Variants in PGAP4 observed in about 807,000 individuals in gnomAD.
The protein encoded by PGAP4 is GPI-N-acetylgalactosamine transferase PGAP4.
PGAP4 carries 12 observed loss-of-function variants against 28.2 expected under a neutral mutation model. That is an observed-to-expected ratio of 0.42 (90% CI 0.27 to 0.69). The LOEUF is 0.69. PGAP4 is among the 30% of genes least tolerant of loss of function. The pLI is 0.22. For synonymous variants in PGAP4, 205 were observed against 211.8 expected, an observed-to-expected ratio of 0.97 and a Z score of 0.28; for missense variants, 425 against 513.5, an observed-to-expected ratio of 0.83 and a Z score of 1.67.
upstream of PGAP4, among the ~76,000 whole-genome samples, chr9:101,491,812 G>T (rs1201603290): frequency 3.8e-5 from 4 of 106,254 alleles, no homozygotes; most frequent in Non-Finnish European, 5.5e-5. Context: ...AATCTTAAAG[G>T]ATATATATAT....
chr9:101,508,498 T>G (rs1453419784), intron 2 of PGAP4, among the ~76,000 whole-genome samples: 6 of 152,144 alleles, frequency 3.9e-5, no homozygotes, highest in African/African-American at 1.4e-4. Context: ...AAGCCTCTAT[T>G]GCTATCAGGG....
At chr9:101,512,747 G>C (rs1407835971) in intron 2 of PGAP4, among the ~76,000 whole-genome samples, 1 of 152,080 alleles carries the variant, frequency 6.6e-6, no homozygotes, top group Non-Finnish European at 1.5e-5. Context: ...CTAGAACCCT[G>C]ACAATAGCTT....
Position 101,477,119 on chromosome 9 carries a change from C to A in PGAP4, c.-27G>T. 6.6e-7 allele frequency: 1 copy of A among 1,525,436 alleles called. No homozygotes were observed. The highest frequency in any genetic ancestry group is 1.3e-5 in the South Asian group (1 of 75,568). 94.5% of individuals were successfully genotyped at this position (1,525,436 alleles called of 1,614,324 possible). ...AGGTCAACTTTTGTTCATGTCTGGT[C>A]CCAAGAAAAAACCATCCTGGAACTC... On this transcript the variant is annotated 5_prime_UTR_variant, in exon 2 of 2. Transcript: ENST00000374848.
Position 101,525,410 on chromosome 9 carries a change from T to A in PGAP4, c.-165+5938A>T, listed in dbSNP as rs1462168967. ...TTGGTTTTAAATGTTTTTTTTTTCC[T>A]ATGAAAATAAATGTTGGCGGGCGCA... On this transcript the variant is annotated intron_variant, in intron 2 of 3. Transcript: ENST00000374851. 2.0e-5 allele frequency among the ~76,000 whole-genome samples: 3 copies of A among 152,016 alleles called. No homozygotes were observed. The East Asian group carries it at 5.8e-4, about 29-fold the overall frequency.
intron 1 of PGAP4, among the ~76,000 whole-genome samples, chr9:101,485,040 C>G (rs1218064771): frequency 6.6e-6 from 1 of 152,164 alleles, no homozygotes; most frequent in Non-Finnish European, 1.5e-5. Flanking sequence ...GTGAACATGA[C>G]AGTCAGGGCA....
At chr9:101,502,685 T>G (rs16920441) in intron 2 of PGAP4, among the ~76,000 whole-genome samples, 5,865 of 152,188 alleles carry the variant, frequency 0.039, 163 homozygotes, top group Admixed American at 0.077. Context: ...GATAACTAGC[T>G]TGGGATGTCC....
intron 2 of PGAP4, among the ~76,000 whole-genome samples, chr9:101,517,702 T>C (rs1826954039): frequency 6.6e-6 from 1 of 152,070 alleles, no homozygotes; most frequent in South Asian, 2.1e-4. Flanking sequence ...ATTGGGGCCC[T>C]AGCTTTTGTT....
intron 2 of PGAP4, among the ~76,000 whole-genome samples, chr9:101,512,484 A>G (rs959289915): frequency 3.3e-5 from 5 of 152,282 alleles, no homozygotes; most frequent in South Asian, 2.1e-4. Context: ...CTGTTCTGCC[A>G]TGTCCAGTGG....
intron 1 of PGAP4, among the ~76,000 whole-genome samples, chr9:101,532,477 A>G (rs1201847778): frequency 5.3e-5 from 8 of 152,178 alleles, no homozygotes; most frequent in Admixed American, 5.2e-4. Context: ...GACAGCCAAT[A>G]CTGTCTAAAA....
In PGAP4 at chr9:101,476,559, G is replaced by A. The variant is rs576109761; in HGVS notation, c.534C>T (p.Asp178=). 10 of 1,614,158 alleles carry A rather than the reference G, an allele frequency of 6.2e-6. No individual in the cohort carries two copies. In the East Asian group the frequency reaches 2.0e-4, roughly 32 times the overall value. The change falls in exon 2 of 2, where the codon GAC becomes GAT. Residue 178 remains aspartate, a synonymous_variant. Transcript: ENST00000374848. The surrounding 1 kb of genome is among the most constrained non-coding windows in gnomAD (Gnocchi z 7.0). ...YEGTEDDYGD[D]PSTNSFEKEK... is the part of the protein sequence containing the mutation. ...CTTTCTCAAACGAGTTGGTCGAAGG[G>A]TCATCACCATAATCATCCTCAGTGC...
intron 2 of PGAP4, among the ~76,000 whole-genome samples, chr9:101,513,889 G>C (rs890356434): frequency 6.6e-6 from 1 of 152,140 alleles, no homozygotes; most frequent in Non-Finnish European, 1.5e-5. Context: ...CTGAGCACCT[G>C]GGAGGCCACT....
intron 2 of PGAP4, among the ~76,000 whole-genome samples, chr9:101,496,179 C>T (rs990338291): frequency 4.0e-5 from 6 of 151,372 alleles, no homozygotes; most frequent in Non-Finnish European, 8.9e-5. Flanking sequence ...TTTATGACAA[C>T]ATCTCAGCAT....
chr9:101,506,989 C>T (rs1456923508), intron 2 of PGAP4, among the ~76,000 whole-genome samples: 2 of 152,082 alleles, frequency 1.3e-5, no homozygotes, highest in Non-Finnish European at 2.9e-5. Flanking sequence ...CAGCTTCTCC[C>T]AAATTCTAAG....
intron 2 of PGAP4, among the ~76,000 whole-genome samples, chr9:101,502,241 G>A (rs1054921638): frequency 2.6e-5 from 4 of 152,000 alleles, no homozygotes; most frequent in Middle Eastern, 3.2e-3. Flanking sequence ...GGGTAGAAAA[G>A]GGAAGTGCGA....
chr9:101,476,503 G>A lies in PGAP4; in HGVS notation c.590C>T (p.Ser197Leu). Residue 197 changes from serine to leucine, a missense_variant, in exon 2 of 2, where the codon TCA becomes TTA. Physicochemically the swap from Ser to Leu is moderately radical, Grantham distance 145 (BLOSUM62 -2). Coordinates refer to ENST00000374848, the MANE Select transcript of PGAP4 (RefSeq NM_032342.3). This position sits in a 1 kb window ranked among gnomAD's most constrained non-coding sequence, Gnocchi z 7.0. Reference protein sequence around the residue: ...EKQDYVYCLESSLQTYNPDYV... With the variant: ...EKQDYVYCLELSLQTYNPDYV... ...GTCTGGGTTGTAGGTCTGCAGGGAT[G>A]ACTCCAGGCAATAGACATAGTCCTG... 4 of 1,614,178 alleles carry A rather than the reference G, an allele frequency of 2.5e-6. No individual in the cohort carries two copies. Among genetic ancestry groups the A allele is most frequent in the Non-Finnish European group, 3.4e-6 (4 of 1,180,046 alleles).
Position 101,476,887 on chromosome 9 carries a change from C to T in PGAP4, c.206G>A (p.Ser69Asn), listed in dbSNP as rs867351890. Residue 69 changes from serine (S) to asparagine (N), a missense_variant, in exon 2 of 2, where the codon AGC becomes AAC. Coordinates refer to ENST00000374848, the MANE Select transcript of PGAP4 (RefSeq NM_032342.3). This position sits in a 1 kb window ranked among gnomAD's most constrained non-coding sequence, Gnocchi z 7.0. The stretch of plus-strand genomic sequence containing the variant: ...GAGGGCAGCCTCACCCTCTTTCAAG[C>T]TTTGCTGCAGGAACTCTTGGCTCAT... Reference protein sequence around the residue: ...NQMSQEFLQQSLKEGEAALHY... With the variant: ...NQMSQEFLQQNLKEGEAALHY... The T allele has an allele frequency of 6.2e-7, 1 of 1,613,028 alleles. No individual in the cohort carries two copies. Among genetic ancestry groups the T allele is most frequent in the Middle Eastern group, 1.7e-4 (1 of 6,056 alleles).
chr9:101,519,238 A>G (rs1035610210), intron 2 of PGAP4, among the ~76,000 whole-genome samples: 3 of 151,648 alleles, frequency 2.0e-5, no homozygotes, highest in African/African-American at 7.3e-5. Flanking sequence ...GCTCACTGCA[A>G]CCTCCACCTC....
intron 2 of PGAP4, among the ~76,000 whole-genome samples, chr9:101,505,232 G>A (rs1170774351): frequency 6.6e-6 from 1 of 151,702 alleles, no homozygotes; most frequent in Non-Finnish European, 1.5e-5. Flanking sequence ...TTTTACCAAA[G>A]ATAATTCAGA....
intron 2 of PGAP4, among the ~76,000 whole-genome samples, chr9:101,525,778 C>T (rs1292880818): frequency 6.6e-6 from 1 of 150,968 alleles, no homozygotes; most frequent in Non-Finnish European, 1.5e-5. Context: ...CGACTTATCC[C>T]ATTCAACAAC....
Sources: allele counts gnomAD v4.1 joint callset (sites outside exome capture counted in the v4.1 genomes callset), GRCh38; gene constraint gnomAD v4.1.1; non-coding constraint Gnocchi (gnomAD v3.1); transcripts MANE v1.5; gene names NCBI Gene and HGNC (gene_info 2026-07-23, HGNC 2026-07-21).